The following XKR4 variants were observed in gnomAD, a reference collection of about 807,000 sequenced individuals.
The protein encoded by XKR4 is XK-related protein 4.
Under a neutral mutation model 53.9 loss-of-function variants are expected in XKR4, and 12 were observed. The ratio of observed to expected loss-of-function variants is 0.22; its 90% CI spans 0.14 to 0.36. The LOEUF (loss-of-function observed/expected upper bound fraction) is 0.36. Among genes scored for constraint, XKR4 ranks in the 10% least tolerant of loss-of-function variants. The pLI is 1.00. For missense variants in XKR4, 799 were observed against 859.5 expected (o/e 0.93, Z 0.88); for synonymous variants, 354 against 362.4 (o/e 0.98, Z 0.26).
At chr8:55,443,061 G>A (rs1805293081) in intron 2 of XKR4, among the ~76,000 whole-genome samples, 1 of 152,132 alleles carries the variant, frequency 6.6e-6, no homozygotes, top group South Asian at 2.1e-4. Flanking sequence ...GGTTTTACAA[G>A]TGAATTCTAT....
At chr8:55,184,834 G>A (rs560082828) in intron 1 of XKR4, among the ~76,000 whole-genome samples, 6 of 151,936 alleles carry the variant, frequency 3.9e-5, no homozygotes, top group Non-Finnish European at 7.4e-5. Flanking sequence ...TATTATTCTC[G>A]GGTGTAGATC....
At position 55,537,897 on chromosome 8, in the gene XKR4, C is replaced by T. The variant is rs538541343; in HGVS notation, c.*13670C>T. ...ATCCCATTTCAAATCTTTTTACCTT[C>T]ATGTTACCAACAGGATGTTTAGTTG... On this transcript the variant is annotated 3_prime_UTR_variant, in exon 3 of 3. Transcript: ENST00000327381. 3.6e-4 allele frequency: 55 copies of T among 152,272 alleles called. No individual in the cohort carries two copies. The highest frequency in any genetic ancestry group is 1.2e-3 in the African/African-American group (51 of 41,558). 9.4% of individuals were successfully genotyped at this position (152,272 alleles called of 1,614,324 possible).
intron 1 of XKR4, among the ~76,000 whole-genome samples, chr8:55,252,206 A>G (rs1020702252): frequency 6.6e-6 from 1 of 152,234 alleles, no homozygotes; most frequent in Admixed American, 6.5e-5. Flanking sequence ...TCAGGGTGGC[A>G]GCAACTGTAT....
At chr8:55,321,077 C>T (rs767032322) in intron 1 of XKR4, among the ~76,000 whole-genome samples, 25 of 152,120 alleles carry the variant, frequency 1.6e-4, no homozygotes, top group African/African-American at 4.8e-4. Flanking sequence ...CTGATAGAAA[C>T]GAGGAGGTAA....
chr8:55,440,551 A>T (rs938489101), intron 2 of XKR4, among the ~76,000 whole-genome samples: 1 of 152,144 alleles, frequency 6.6e-6, no homozygotes, highest in Non-Finnish European at 1.5e-5. Context: ...GATTTCTAAG[A>T]CAATCTCTAA....
chr8:55,171,196 A>G (rs1317140089), intron 1 of XKR4, among the ~76,000 whole-genome samples: 7 of 152,226 alleles, frequency 4.6e-5, no homozygotes, highest in Non-Finnish European at 1.0e-4. Flanking sequence ...TCGAGAAAAT[A>G]AAAATACATT....
At chr8:55,170,792 TGAG>T (rs1817146467) in intron 1 of XKR4, among the ~76,000 whole-genome samples, 29 of 152,298 alleles carry the variant, frequency 1.9e-4, no homozygotes, top group Non-Finnish European at 3.2e-4. Context: ...CCCCACAGTT[TGAG>T]TTTCTGGGAT....
chr8:55,142,896 G>A (rs544003015), intron 1 of XKR4, among the ~76,000 whole-genome samples: 2 of 152,220 alleles, frequency 1.3e-5, no homozygotes, highest in African/African-American at 2.4e-5. Flanking sequence ...CGAAGGAGCA[G>A]CGCCTGAAGG....
At chr8:55,420,111 T>A (rs957342293) in intron 2 of XKR4, among the ~76,000 whole-genome samples, 5 of 152,250 alleles carry the variant, frequency 3.3e-5, no homozygotes, top group African/African-American at 9.6e-5. Context: ...TGGGCTTTTT[T>A]TTTATTTGGA....
At chr8:55,451,344 G>C in intron 2 of XKR4, 4 of 643,888 alleles carry the variant, frequency 6.2e-6, no homozygotes, top group Non-Finnish European at 1.1e-5. Context: ...CCCTGGCTCT[G>C]GGGCTGCCAA....
chr8:55,479,956 G>A (rs1016743737), intron 2 of XKR4, among the ~76,000 whole-genome samples: 4 of 152,120 alleles, frequency 2.6e-5, no homozygotes, highest in Non-Finnish European at 5.9e-5. Flanking sequence ...ATTCACTGCC[G>A]AATTTTACCA....
At chr8:55,381,483 GA>G (rs1804231784) in intron 2 of XKR4, among the ~76,000 whole-genome samples, 1 of 152,208 alleles carries the variant, frequency 6.6e-6, no homozygotes, top group African/African-American at 2.4e-5. Context: ...TGAGAACCTT[GA>G]GGGACCATTG....
intron 1 of XKR4, among the ~76,000 whole-genome samples, chr8:55,287,174 A>AC (rs1818919083): frequency 1.5e-5 from 1 of 66,654 alleles, no homozygotes; most frequent in Non-Finnish European, 5.6e-5. Flanking sequence ...AATTTAAATT[A>AC]AAAAAAATAC....
chr8:55,419,922 CAAT>C (rs1264466377), intron 2 of XKR4, among the ~76,000 whole-genome samples: 3 of 152,172 alleles, frequency 2.0e-5, no homozygotes, highest in African/African-American at 4.8e-5. Flanking sequence ...TCTTAAACAA[CAAT>C]GATGACAGCT....
At position 55,526,480 on chromosome 8, in the gene XKR4, C is replaced by G. The variant is rs1806884370; in HGVS notation, c.*2253C>G. 6.6e-6 allele frequency: 1 copy of G among 152,152 alleles called. No individual in the cohort carries two copies. Among genetic ancestry groups the G allele is most frequent in the Admixed American group, 6.5e-5 (1 of 15,274 alleles). The allele number at this position is 152,152 out of a possible 1,614,324, so 9.4% of individuals were successfully genotyped here. On this transcript the variant is annotated 3_prime_UTR_variant, in exon 3 of 3. Coordinates refer to ENST00000327381, the MANE Select transcript of XKR4 (RefSeq NM_052898.2). ...AAGATTACCTAGTCACCAGTAAAGG[C>G]CCAGGAAAAGGCTCTTCTTGTCAGC...
chr8:55,498,477 C>T (rs762141756), intron 2 of XKR4, among the ~76,000 whole-genome samples: 4 of 152,166 alleles, frequency 2.6e-5, no homozygotes, highest in Non-Finnish European at 5.9e-5. Context: ...CACCTGGCTG[C>T]TGTGAAACGG....
At chr8:55,392,485 G>C (rs989410681) in intron 2 of XKR4, among the ~76,000 whole-genome samples, 1 of 152,126 alleles carries the variant, frequency 6.6e-6, no homozygotes, top group Non-Finnish European at 1.5e-5. Context: ...AAGTACATTC[G>C]AGTTACTATT....
intron 1 of XKR4, among the ~76,000 whole-genome samples, chr8:55,237,707 G>A (rs1261253015): frequency 6.6e-6 from 1 of 152,206 alleles, no homozygotes; most frequent in Non-Finnish European, 1.5e-5. Context: ...GACTAAAGGG[G>A]ATGAACACTG....
In XKR4 at chr8:55,102,476, G is replaced by T; in HGVS notation, c.-13G>T. ...TCAGATAAAGGAGGGCTCTCCTCCG[G>T]TGTGGAGGCATCATGGCCGCTAAAT... On this transcript the variant is annotated 5_prime_UTR_variant, in exon 1 of 3. Coordinates refer to ENST00000327381, the MANE Select transcript of XKR4 (RefSeq NM_052898.2). This position sits in a 1 kb window ranked among gnomAD's most constrained non-coding sequence, Gnocchi z 5.1. 1 of 1,548,280 alleles carries T rather than the reference G, an allele frequency of 6.5e-7. No individual in the cohort carries two copies. Among genetic ancestry groups the T allele is most frequent in the Non-Finnish European group, 8.8e-7 (1 of 1,142,794 alleles).
Sources: gnomAD v4.1 joint callset for allele counts (sites outside exome capture counted in the v4.1 genomes callset) on GRCh38, gnomAD v4.1.1 for gene constraint, Gnocchi (gnomAD v3.1) non-coding constraint, MANE v1.5 for transcripts, NCBI Gene and HGNC (gene_info 2026-07-23, HGNC 2026-07-21) for gene names.